Variants in SLC35F1 observed in about 807,000 individuals in gnomAD.
SLC35F1 encodes the protein solute carrier family 35 member F1.
In SLC35F1, 14 loss-of-function variants were observed where a neutral mutation model predicts 48.7. The observed-to-expected ratio is 0.29, with a 90% CI of 0.19 to 0.45. SLC35F1 has a LOEUF of 0.45. SLC35F1 is among the 20% of genes least tolerant of loss of function. The pLI is 1.00. For synonymous variants in SLC35F1, 190 were observed against 202.2 expected, an observed-to-expected ratio of 0.94 and a Z score of 0.51; for missense variants, 404 against 500.0, an observed-to-expected ratio of 0.81 and a Z score of 1.83.
At chr6:118,229,094 G>A (rs936428437) in intron 2 of SLC35F1, among the ~76,000 whole-genome samples, 9 of 151,808 alleles carry the variant, frequency 5.9e-5, no homozygotes, top group Admixed American at 3.3e-4. Flanking sequence ...CTGTGTTTCA[G>A]CCCTTGGGCA....
chr6:118,064,922 C>T (rs937340439), intron 1 of SLC35F1, among the ~76,000 whole-genome samples: 4 of 152,052 alleles, frequency 2.6e-5, no homozygotes, highest in African/African-American at 9.7e-5. Context: ...ACACAGGAAA[C>T]CAATGCAAGG....
intron 1 of SLC35F1, among the ~76,000 whole-genome samples, chr6:117,921,717 A>G (rs954568220): frequency 6.6e-6 from 1 of 152,218 alleles, no homozygotes; most frequent in African/African-American, 2.4e-5. Flanking sequence ...TGTCCAAAGC[A>G]AAGAGACCCT....
At chr6:118,099,791 C>T (rs942437868) in intron 1 of SLC35F1, among the ~76,000 whole-genome samples, 10 of 152,224 alleles carry the variant, frequency 6.6e-5, no homozygotes, top group South Asian at 2.1e-4. Context: ...GGCTGTGGTT[C>T]GCTGTAACAC....
intron 1 of SLC35F1, among the ~76,000 whole-genome samples, chr6:118,131,319 A>G (rs1314176656): frequency 6.6e-6 from 1 of 152,204 alleles, no homozygotes. Flanking sequence ...ATTTTTATTA[A>G]AGAGTTTTTT....
At chr6:118,239,552 G>T (rs1456418410) in intron 3 of SLC35F1, among the ~76,000 whole-genome samples, 1 of 151,774 alleles carries the variant, frequency 6.6e-6, no homozygotes, top group African/African-American at 2.4e-5. Context: ...TAAGTTCAGT[G>T]AGTTTTTTTT....
chr6:118,288,425 G>T (rs2114645228), intron 7 of SLC35F1, among the ~76,000 whole-genome samples: 1 of 152,290 alleles, frequency 6.6e-6, no homozygotes, highest in East Asian at 1.9e-4. Flanking sequence ...GATCTGGAAA[G>T]GCCAGACAAC....
At chr6:118,253,183 G>T (rs890075193) in intron 3 of SLC35F1, among the ~76,000 whole-genome samples, 1 of 152,066 alleles carries the variant, frequency 6.6e-6, no homozygotes, top group Non-Finnish European at 1.5e-5. Context: ...AAAATCCTGA[G>T]AACACAATAT....
At chr6:117,994,646 C>G (rs548115547) in intron 1 of SLC35F1, among the ~76,000 whole-genome samples, 5 of 152,248 alleles carry the variant, frequency 3.3e-5, no homozygotes, top group African/African-American at 7.2e-5. Flanking sequence ...ATTTTTGGCA[C>G]TGGGATTTGA....
intron 1 of SLC35F1, among the ~76,000 whole-genome samples, chr6:117,970,050 A>C (rs751382999): frequency 6.6e-6 from 1 of 152,262 alleles, no homozygotes; most frequent in East Asian, 1.9e-4. Flanking sequence ...GTCTGTTTTT[A>C]GGAAGTTCGT....
chr6:117,948,642 G>A (rs1380097309), intron 1 of SLC35F1, among the ~76,000 whole-genome samples: 1 of 152,116 alleles, frequency 6.6e-6, no homozygotes, highest in South Asian at 2.1e-4. Context: ...GTAAAGAAGA[G>A]ACAAATGATA....
intron 3 of SLC35F1, among the ~76,000 whole-genome samples, chr6:118,264,775 C>A (rs1582759298): frequency 1.3e-5 from 2 of 152,246 alleles, no homozygotes; most frequent in South Asian, 4.1e-4. Flanking sequence ...AAAACACCAA[C>A]TGTTTTATGC....
intron 1 of SLC35F1, among the ~76,000 whole-genome samples, chr6:117,943,194 C>T (rs555017657): frequency 2.7e-4 from 41 of 152,212 alleles, no homozygotes; most frequent in Non-Finnish European, 4.3e-4. Flanking sequence ...TATCTCTAAC[C>T]GAATTGTTTG....
At chr6:118,093,498 C>T (rs1773106590) in intron 1 of SLC35F1, among the ~76,000 whole-genome samples, 1 of 152,092 alleles carries the variant, frequency 6.6e-6, no homozygotes, top group African/African-American at 2.4e-5. Context: ...ATGCTTTTCT[C>T]ATGATAGTGA....
At chr6:118,307,838 C>T (rs1776330429) in intron 7 of SLC35F1, among the ~76,000 whole-genome samples, 1 of 152,216 alleles carries the variant, frequency 6.6e-6, no homozygotes, top group African/African-American at 2.4e-5. Flanking sequence ...TTACAGCACG[C>T]TCAGCACTAA....
At chr6:117,912,622 A>G (rs1435944372) in intron 1 of SLC35F1, among the ~76,000 whole-genome samples, 1 of 151,742 alleles carries the variant, frequency 6.6e-6, no homozygotes, top group Non-Finnish European at 1.5e-5. Context: ...TGATTAATAT[A>G]AAATATTCCA....
intron 3 of SLC35F1, among the ~76,000 whole-genome samples, chr6:118,255,283 A>G (rs560325392): frequency 6.6e-6 from 1 of 152,294 alleles, no homozygotes; most frequent in Non-Finnish European, 1.5e-5. Flanking sequence ...GTAAAATGGG[A>G]AAAATAAGAA....
At chr6:117,999,206 C>T in intron 1 of SLC35F1, 1 of 1,595,364 alleles carries the variant, frequency 6.3e-7, no homozygotes, top group Non-Finnish European at 8.5e-7. Context: ...CCTCGTAAAG[C>T]CCAAGGAGGT....
At chr6:117,996,100 T>A (rs1183155639) in intron 1 of SLC35F1, among the ~76,000 whole-genome samples, 5 of 152,228 alleles carry the variant, frequency 3.3e-5, no homozygotes, top group Non-Finnish European at 5.9e-5. Context: ...TGTATATAAA[T>A]AATTGTCTAT....
chr6:118,118,671 G>A (rs1454765050), intron 1 of SLC35F1, among the ~76,000 whole-genome samples: 1 of 152,082 alleles, frequency 6.6e-6, no homozygotes, highest in East Asian at 1.9e-4. Context: ...ATTTTTAAAA[G>A]AATCCAGGAG....
Sources: gnomAD v4.1 joint callset for allele counts (sites outside exome capture counted in the v4.1 genomes callset) on GRCh38, gnomAD v4.1.1 for gene constraint, MANE v1.5 for transcripts, NCBI Gene and HGNC (gene_info 2026-07-23, HGNC 2026-07-21) for gene names.